Variants in STARD13 observed in about 807,000 individuals in gnomAD.
The protein encoded by STARD13 is StAR related lipid transfer domain containing 13, also known as stAR-related lipid transfer protein 13.
A neutral mutation model predicts 106.4 loss-of-function variants in STARD13; 62 were observed. The observed-to-expected ratio is 0.58, with a 90% CI of 0.48 to 0.72. The LOEUF is 0.72. Ranked by LOEUF, STARD13 falls within the 30% of genes least tolerant of loss-of-function variation. The pLI, the probability that STARD13 is intolerant of heterozygous loss-of-function variation, is 0.00. For synonymous variants in STARD13, 565 were observed against 553.0 expected, an observed-to-expected ratio of 1.02 and a Z score of -0.31; for missense variants, 1,387 against 1,424.0, an observed-to-expected ratio of 0.97 and a Z score of 0.42.
the STARD13 span, among the ~76,000 whole-genome samples, chr13:33,593,600 T>C: frequency 6.6e-6 from 1 of 152,198 alleles, no homozygotes; most frequent in Non-Finnish European, 1.5e-5. Context: ...TTCAGCCCCA[T>C]GCCAGTCTTG....
chr13:33,514,251 A>G, the STARD13 span, among the ~76,000 whole-genome samples: 1 of 152,146 alleles, frequency 6.6e-6, no homozygotes. Flanking sequence ...AGTGTTTGGG[A>G]GGAATTGTAG....
the STARD13 span, among the ~76,000 whole-genome samples, chr13:33,367,038 A>G: frequency 1.3e-5 from 2 of 152,226 alleles, no homozygotes; most frequent in African/African-American, 2.4e-5. Flanking sequence ...TGGTAGTCTA[A>G]GTCTGCCTTA....
chr13:33,122,675 G>C (rs1876520978), intron 7 of STARD13, among the ~76,000 whole-genome samples: 1 of 152,154 alleles, frequency 6.6e-6, no homozygotes, highest in Admixed American at 6.5e-5. Flanking sequence ...TCCTTTTGAA[G>C]ATAAAAGGCG....
the STARD13 span, among the ~76,000 whole-genome samples, chr13:33,482,761 T>C: frequency 6.6e-6 from 1 of 152,240 alleles, no homozygotes; most frequent in African/African-American, 2.4e-5. Context: ...ACTGTTCTTT[T>C]GTTTGGTACA....
the STARD13 span, among the ~76,000 whole-genome samples, chr13:33,399,711 A>G: frequency 1.7e-4 from 25 of 150,216 alleles, no homozygotes; most frequent in Non-Finnish European, 2.7e-4. Flanking sequence ...AAAAAAAAAA[A>G]AAAAAAAAAA....
chr13:33,269,012 C>G (rs1229982368), intron 1 of STARD13, among the ~76,000 whole-genome samples: 1 of 152,138 alleles, frequency 6.6e-6, no homozygotes, highest in Non-Finnish European at 1.5e-5. Flanking sequence ...AAAGTTTTGA[C>G]AAGCCATTCC....
chr13:33,266,134 A>G (rs1890885262), intron 1 of STARD13, among the ~76,000 whole-genome samples: 1 of 152,222 alleles, frequency 6.6e-6, no homozygotes, highest in Admixed American at 6.5e-5. Context: ...GAACACAGAC[A>G]GCAATAGACA....
At chr13:33,393,952 A>G in the STARD13 span, among the ~76,000 whole-genome samples, 1 of 152,232 alleles carries the variant, frequency 6.6e-6, no homozygotes, top group Non-Finnish European at 1.5e-5. Flanking sequence ...GAGTAGTTCA[A>G]TCACAAGCTC....
At chr13:33,419,719 T>C in the STARD13 span, among the ~76,000 whole-genome samples, 25 of 152,322 alleles carry the variant, frequency 1.6e-4, no homozygotes, top group African/African-American at 5.5e-4. Flanking sequence ...AAGGTCGGGT[T>C]ACCCCCAAAG....
the STARD13 span, among the ~76,000 whole-genome samples, chr13:33,456,323 A>G: frequency 0.33 from 49,646 of 151,610 alleles, 8,384 homozygotes; most frequent in Non-Finnish European, 0.39. Flanking sequence ...CCAAGTAGCT[A>G]GGATTACAGG....
the STARD13 span, among the ~76,000 whole-genome samples, chr13:33,457,956 A>C: frequency 6.6e-6 from 1 of 152,354 alleles, no homozygotes; most frequent in South Asian, 2.1e-4. Flanking sequence ...GGGAAGATAG[A>C]AAATGAAAAC....
At chr13:33,508,154 C>T in the STARD13 span, among the ~76,000 whole-genome samples, 50 of 152,176 alleles carry the variant, frequency 3.3e-4, no homozygotes, top group Non-Finnish European at 6.5e-4. Flanking sequence ...ACTCCTCTGC[C>T]ATTCTCACTG....
the STARD13 span, among the ~76,000 whole-genome samples, chr13:33,492,129 T>G: frequency 6.6e-6 from 1 of 152,148 alleles, no homozygotes; most frequent in East Asian, 1.9e-4. Context: ...CAAGGTAATG[T>G]CATCAGTTAA....
the STARD13 span, among the ~76,000 whole-genome samples, chr13:33,546,357 T>A: frequency 6.6e-6 from 1 of 152,210 alleles, no homozygotes; most frequent in African/African-American, 2.4e-5. Context: ...GGCGGTTTAT[T>A]TGCTATAATC....
the STARD13 span, among the ~76,000 whole-genome samples, chr13:33,553,627 T>A: frequency 6.6e-6 from 1 of 150,738 alleles, no homozygotes; most frequent in Non-Finnish European, 1.5e-5. Context: ...GTGGCCAGGA[T>A]GGAGTGTAGT....
At chr13:33,445,955 G>C in the STARD13 span, among the ~76,000 whole-genome samples, 1 of 151,946 alleles carries the variant, frequency 6.6e-6, no homozygotes, top group South Asian at 2.1e-4. Context: ...GAGTTTTGAG[G>C]AATCAAACAT....
chr13:33,522,782 A>G, the STARD13 span, among the ~76,000 whole-genome samples: 1 of 152,190 alleles, frequency 6.6e-6, no homozygotes, highest in Non-Finnish European at 1.5e-5. Context: ...TGGGCAAGTC[A>G]CCTACCTTTG....
At chr13:33,272,142 T>G (rs1234391698) in intron 1 of STARD13, among the ~76,000 whole-genome samples, 1 of 152,228 alleles carries the variant, frequency 6.6e-6, no homozygotes, top group South Asian at 2.1e-4. Context: ...TACATCACAG[T>G]GGGTCCTCAA....
intron 1 of STARD13, among the ~76,000 whole-genome samples, chr13:33,212,689 C>T (rs936832122): frequency 9.2e-5 from 14 of 152,286 alleles, no homozygotes; most frequent in African/African-American, 3.4e-4. Context: ...CACTCGCAAG[C>T]ATTCCAGGTA....
Sources: allele counts gnomAD v4.1 joint callset (sites outside exome capture counted in the v4.1 genomes callset), GRCh38; gene constraint gnomAD v4.1.1; transcripts MANE v1.5; gene names NCBI Gene and HGNC (gene_info 2026-07-23, HGNC 2026-07-21).